Variants in DCPS observed in about 807,000 individuals in gnomAD.
DCPS encodes the protein decapping enzyme, scavenger.
Under a neutral mutation model 34.7 loss-of-function variants are expected in DCPS, and 27 were observed. The ratio of observed to expected loss-of-function variants is 0.78; its 90% confidence interval spans 0.57 to 1.07. DCPS has a LOEUF of 1.07. Among genes scored for constraint, DCPS ranks in the 50% least tolerant of loss-of-function variants. The pLI, the probability that DCPS is intolerant of heterozygous loss-of-function variation, is 0.00. For missense variants in DCPS, 464 were observed against 436.9 expected (o/e 1.06, Z -0.55); for synonymous variants, 185 against 185.7 (o/e 1.00, Z 0.03).
At position 126,338,369 on chromosome 11, in the gene DCPS, C is replaced by T; in HGVS notation, c.606C>T (p.Leu202=). 3.1e-6 allele frequency: 5 copies of T among 1,614,214 alleles called. No individual in the cohort carries two copies. Among genetic ancestry groups the T allele is most frequent in the Non-Finnish European group, 4.2e-6 (5 of 1,180,040 alleles). ...ENPDPSDGFV[L]IPDLKWNQQQ... ...CAGATCCCTCTGATGGTTTTGTCCT[C>T]ATCCCTGACCTCAAGTGGAACCAAC... is the stretch of plus-strand genomic sequence containing the variant. Residue 202 remains leucine (L), a synonymous_variant, in exon 4 of 6, where the codon CTC becomes CTT. Coordinates refer to ENST00000263579, the MANE Select transcript of DCPS (RefSeq NM_014026.6). The surrounding 1 kb of genome is among the most constrained non-coding windows in gnomAD (Gnocchi z 5.4).
In DCPS at chr11:126,344,825, A is replaced by G. The variant is rs1951904752; in HGVS notation, c.748-522A>G. ...GGTCTGTGTGGGAGCAGCCCCTCCC[A>G]TACCCCTTCCACAGTCCCTGCTCTT... On this transcript the variant is annotated intron_variant, in intron 5 of 5. Coordinates refer to ENST00000263579, the MANE Select transcript of DCPS (RefSeq NM_014026.6). This position sits in a 1 kb window ranked among gnomAD's most constrained non-coding sequence, Gnocchi z 8.1. Among the ~76,000 whole-genome samples, 1 of 152,076 alleles carries G rather than the reference A, an allele frequency of 6.6e-6. No individual in the cohort carries two copies. The highest frequency in any genetic ancestry group is 2.1e-4 in the South Asian group (1 of 4,826).
intron 2 of DCPS, among the ~76,000 whole-genome samples, chr11:126,317,028 A>G (rs1951668423): frequency 7.1e-6 from 1 of 141,514 alleles, no homozygotes; most frequent in African/African-American, 2.7e-5. Flanking sequence ...GCGCGATCTC[A>G]GCTCACTGCA....
Position 126,320,923 on chromosome 11 carries a change from C to T in DCPS, c.377-10482C>T, listed in dbSNP as rs1438347919. 3.9e-5 allele frequency among the ~76,000 whole-genome samples: 6 copies of T among 152,140 alleles called. No homozygotes were observed. Among genetic ancestry groups the T allele is most frequent in the Non-Finnish European group, 7.3e-5 (5 of 68,032 alleles). On this transcript the variant is annotated intron_variant, in intron 2 of 5. Transcript: ENST00000263579. The surrounding 1 kb of genome is among the most constrained non-coding windows in gnomAD (Gnocchi z 4.7). ...TCATATGGAACTTGCTCCTTCCTTGCCCCAGCAGGAGAGTAGAGCAGAAAT... is the reference window on the plus strand; with the variant it reads ...TCATATGGAACTTGCTCCTTCCTTGTCCCAGCAGGAGAGTAGAGCAGAAAT...
rs1166241206 is a variant in DCPS at position 126,349,071 on chromosome 11, G to T, written c.*3458G>T. Among the ~76,000 whole-genome samples, 2 of 152,172 alleles carry T rather than the reference G, an allele frequency of 1.3e-5. No individual in the cohort carries two copies. Among genetic ancestry groups the T allele is most frequent in the African/African-American group, 4.8e-5 (2 of 41,426 alleles). ...AGCTAGGCTCTGAATGAGGCCTCCTGGATCTCACGCAGGGGATGGAGAGTA... is the reference window on the plus strand; with the variant it reads ...AGCTAGGCTCTGAATGAGGCCTCCTTGATCTCACGCAGGGGATGGAGAGTA... On this transcript the variant is annotated 3_prime_UTR_variant, in exon 6 of 6. Transcript: ENST00000263579. This position sits in a 1 kb window ranked among gnomAD's most constrained non-coding sequence, Gnocchi z 5.4.
intron 2 of DCPS, among the ~76,000 whole-genome samples, chr11:126,316,384 G>C (rs1332932337): frequency 1.3e-5 from 2 of 151,090 alleles, no homozygotes; most frequent in East Asian, 3.9e-4. Flanking sequence ...TTTCATGTAA[G>C]GCCCAAGACA....
At position 126,338,504 on chromosome 11, in the gene DCPS, A is replaced by G. The variant is rs1951852778; in HGVS notation, c.636+105A>G. 6.7e-6 allele frequency: 7 copies of G among 1,037,188 alleles called. No individual in the cohort carries two copies. The highest frequency in any genetic ancestry group is 1.0e-5 in the Non-Finnish European group (7 of 674,820). 64.2% of individuals were successfully genotyped at this position (1,037,188 alleles called of 1,614,324 possible). On this transcript the variant is annotated intron_variant, in intron 4 of 5. Coordinates refer to ENST00000263579, the MANE Select transcript of DCPS (RefSeq NM_014026.6). This position sits in a 1 kb window ranked among gnomAD's most constrained non-coding sequence, Gnocchi z 5.4. ...ACGCTGGCCTGTCTCTAAGCAGATT[A>G]TAATTAACCAACAAGGGTTGGCCTG... is the stretch of plus-strand genomic sequence containing the variant.
rs1279057890 is a variant in DCPS, at chr11:126,329,679, C to G, written c.377-1726C>G. 6.6e-6 allele frequency among the ~76,000 whole-genome samples: 1 copy of G among 152,198 alleles called. No individual in the cohort carries two copies. The highest frequency in any genetic ancestry group is 1.5e-5 in the Non-Finnish European group (1 of 68,026). On this transcript the variant is annotated intron_variant, in intron 2 of 5. Transcript: ENST00000263579. This position sits in a 1 kb window ranked among gnomAD's most constrained non-coding sequence, Gnocchi z 5.0. ...GAGATGGCCTCAGTTCCAGGTTCGC[C>G]TCTGCCACGTTTCACGGTGTGATAC...
rs200771827 is a variant in DCPS at position 126,332,765 on chromosome 11, T to TTTGTTG, written c.522+1230_522+1235dup. ...GGTGCATCTGGCTCAAGCTGACTTG[T>TTTGTTG]TTGTTGTTGTTGTTGTTGTTTGTTT... is the stretch of plus-strand genomic sequence containing the variant. On this transcript the variant is annotated intron_variant, in intron 3 of 5. Transcript: ENST00000263579. This position sits in a 1 kb window ranked among gnomAD's most constrained non-coding sequence, Gnocchi z 5.4. Among the ~76,000 whole-genome samples the TTTGTTG allele has an allele frequency of 1.3e-5, 2 of 152,060 alleles. No individual in the cohort carries two copies. The highest frequency in any genetic ancestry group is 1.9e-4 in the East Asian group (1 of 5,192).
At chr11:126,306,194 G>C (rs1044210046) in intron 1 of DCPS, among the ~76,000 whole-genome samples, 1 of 152,094 alleles carries the variant, frequency 6.6e-6, no homozygotes, top group African/African-American at 2.4e-5. Flanking sequence ...CCAACATGGT[G>C]AAACCCCATC....
rs571331683 is a variant in DCPS at position 126,347,506 on chromosome 11, G to T, written c.*1893G>T. Among the ~76,000 whole-genome samples the T allele has an allele frequency of 7.9e-5, 12 of 152,310 alleles. No individual in the cohort carries two copies. The South Asian group carries it at 2.3e-3, about 29-fold the overall frequency. ...CCCAAAGTGCTGGGATTCCAGGCGT[G>T]AGCCACCGCGCCCAGCCCCTGCAAT... On this transcript the variant is annotated 3_prime_UTR_variant, in exon 6 of 6. Transcript: ENST00000263579. This position sits in a 1 kb window ranked among gnomAD's most constrained non-coding sequence, Gnocchi z 4.2.
At position 126,345,279 on chromosome 11, in the gene DCPS, G is replaced by A; in HGVS notation, c.748-68G>A. The A allele has an allele frequency of 6.3e-7, 1 of 1,589,226 alleles. No homozygotes were observed. The highest frequency in any genetic ancestry group is 8.6e-7 in the Non-Finnish European group (1 of 1,168,816). Reference sequence around the variant, plus strand: ...AGGATTCAGATGGGAGGAGGGTCTAGGTGGGGACATGGCGCCGGGCCTCAG... The same window carrying A: ...AGGATTCAGATGGGAGGAGGGTCTAAGTGGGGACATGGCGCCGGGCCTCAG... On this transcript the variant is annotated intron_variant, in intron 5 of 5. Coordinates refer to ENST00000263579, the MANE Select transcript of DCPS (RefSeq NM_014026.6). The surrounding 1 kb of genome is among the most constrained non-coding windows in gnomAD (Gnocchi z 7.4).
At position 126,334,148 on chromosome 11, in the gene DCPS, C is replaced by G. The variant is rs593526; in HGVS notation, c.522+2598C>G. ...TGGGGCTTAGCAACTGATTGACGTGCAGAGGGGAGGGAAGAGGTTGGGTGA... is the reference window on the plus strand; with the variant it reads ...TGGGGCTTAGCAACTGATTGACGTGGAGAGGGGAGGGAAGAGGTTGGGTGA... On this transcript the variant is annotated intron_variant, in intron 3 of 5. Transcript: ENST00000263579. This position sits in a 1 kb window ranked among gnomAD's most constrained non-coding sequence, Gnocchi z 5.5. Among the ~76,000 whole-genome samples the G allele has an allele frequency of 0.82, 125,016 of 151,948 alleles. 51,827 individuals carry two copies. The highest frequency in any genetic ancestry group is 1 in the East Asian group (5,137 of 5,144).
At position 126,325,538 on chromosome 11, in the gene DCPS, C is replaced by T. The variant is rs917227561; in HGVS notation, c.377-5867C>T. Among the ~76,000 whole-genome samples the T allele has an allele frequency of 6.6e-5, 10 of 152,150 alleles. No homozygotes were observed. Among genetic ancestry groups the T allele is most frequent in the Non-Finnish European group, 1.3e-4 (9 of 68,038 alleles). On this transcript the variant is annotated intron_variant, in intron 2 of 5. Coordinates refer to ENST00000263579, the MANE Select transcript of DCPS (RefSeq NM_014026.6). The surrounding 1 kb of genome is among the most constrained non-coding windows in gnomAD (Gnocchi z 4.3). ...AGATATAAAAGTATAATTTAGAATT[C>T]TGGAAGTATATAACCAAAGAGGTGG... is the stretch of plus-strand genomic sequence containing the variant.
In DCPS at chr11:126,333,461, G is replaced by A. The variant is rs1006170132; in HGVS notation, c.522+1911G>A. The stretch of plus-strand genomic sequence containing the variant: ...GGGATAAGCACTCTGATGCCTAGAC[G>A]AACTACCGTGGTGATGCAGAGGGAC... On this transcript the variant is annotated intron_variant, in intron 3 of 5. Transcript: ENST00000263579. The surrounding 1 kb of genome is among the most constrained non-coding windows in gnomAD (Gnocchi z 5.7). 1.3e-5 allele frequency among the ~76,000 whole-genome samples: 2 copies of A among 152,200 alleles called. No individual in the cohort carries two copies. The highest frequency in any genetic ancestry group is 2.9e-5 in the Non-Finnish European group (2 of 68,042).
rs1951974482 is a variant in DCPS at position 126,349,759 on chromosome 11, G to A, written c.*4146G>A. Reference sequence around the variant, plus strand: ...AAACATGTATATATAAGGTTAAAATGTATTTTTTAAAATAAGATAATTATT... The same window carrying A: ...AAACATGTATATATAAGGTTAAAATATATTTTTTAAAATAAGATAATTATT... On this transcript the variant is annotated 3_prime_UTR_variant, in exon 6 of 6. Coordinates refer to ENST00000263579, the MANE Select transcript of DCPS (RefSeq NM_014026.6). This position sits in a 1 kb window ranked among gnomAD's most constrained non-coding sequence, Gnocchi z 5.4. 6.6e-6 allele frequency among the ~76,000 whole-genome samples: 1 copy of A among 152,168 alleles called. No homozygotes were observed. Among genetic ancestry groups the A allele is most frequent in the African/African-American group, 2.4e-5 (1 of 41,424 alleles).
Position 126,347,050 on chromosome 11 carries a change from G to A in DCPS, c.*1437G>A, listed in dbSNP as rs1409717769. 6.6e-6 allele frequency among the ~76,000 whole-genome samples: 1 copy of A among 151,314 alleles called. No homozygotes were observed. The highest frequency in any genetic ancestry group is 6.6e-5 in the Admixed American group (1 of 15,208). On this transcript the variant is annotated 3_prime_UTR_variant, in exon 6 of 6. Transcript: ENST00000263579. The surrounding 1 kb of genome is among the most constrained non-coding windows in gnomAD (Gnocchi z 4.2). ...GGTTGCCGTGAGCCACCGCACTTTG[G>A]CCTGGGTGACAGAGCAAGACTCCCT...
Position 126,342,332 on chromosome 11 carries a change from AG to A in DCPS, c.637-971del, listed in dbSNP as rs1352591052. 1 of 152,436 alleles carries A rather than the reference AG, an allele frequency of 6.6e-6. No homozygotes were observed. Among genetic ancestry groups the A allele is most frequent in the Non-Finnish European group, 1.5e-5 (1 of 68,216 alleles). 9.4% of individuals were successfully genotyped at this position (152,436 alleles called of 1,614,324 possible). ...ACAGCAGGAAGGTATCCTGTGCGAT[AG>A]GGGAAGAGAGAAACAAGCTAACTGC... is the stretch of plus-strand genomic sequence containing the variant. On this transcript the variant is annotated intron_variant, in intron 4 of 5. Coordinates refer to ENST00000263579, the MANE Select transcript of DCPS (RefSeq NM_014026.6). This position sits in a 1 kb window ranked among gnomAD's most constrained non-coding sequence, Gnocchi z 4.4.
intron 2 of DCPS, among the ~76,000 whole-genome samples, chr11:126,324,024 G>A: frequency 6.6e-6 from 1 of 152,048 alleles, no homozygotes; most frequent in East Asian, 1.9e-4. Context: ...TAGAGATGGG[G>A]TTTCACCATA....
At chr11:126,321,252 C>CAA (rs776121972) in intron 2 of DCPS, among the ~76,000 whole-genome samples, 23,293 of 97,164 alleles carry the variant, frequency 0.24, 2,440 homozygotes, top group Non-Finnish European at 0.29. Context: ...GACCTTGTCT[C>CAA]AAAAAAAAAA....
Sources: gnomAD v4.1 joint callset for allele counts (sites outside exome capture counted in the v4.1 genomes callset) on GRCh38, gnomAD v4.1.1 for gene constraint, Gnocchi (gnomAD v3.1) non-coding constraint, MANE v1.5 for transcripts, NCBI Gene and HGNC (gene_info 2026-07-23, HGNC 2026-07-21) for gene names.